Variants in AEBP2 observed in about 807,000 individuals in gnomAD.
AEBP2 encodes the protein AE binding protein 2.
Under a neutral mutation model 50.8 loss-of-function variants are expected in AEBP2, and 10 were observed. The observed-to-expected ratio is 0.20, with a 90% CI of 0.12 to 0.33. AEBP2 has a LOEUF of 0.33. Among genes scored for constraint, AEBP2 ranks in the 10% least tolerant of loss-of-function variants. AEBP2 has a pLI of 1.00. For synonymous variants in AEBP2, 296 were observed against 261.3 expected (o/e 1.13, Z -1.28); for missense variants, 570 against 688.0 (o/e 0.83, Z 1.92).
intron 6 of AEBP2, among the ~76,000 whole-genome samples, chr12:19,513,668 C>CGG (rs1949270058): frequency 6.6e-6 from 1 of 152,048 alleles, no homozygotes; most frequent in Admixed American, 6.6e-5. Flanking sequence ...GAGACTGAGG[C>CGG]GGGAAGATTG....
At chr12:19,503,768 C>A (rs1949116651) in intron 5 of AEBP2, among the ~76,000 whole-genome samples, 1 of 151,716 alleles carries the variant, frequency 6.6e-6, no homozygotes, top group African/African-American at 2.4e-5. Flanking sequence ...AAGCAGTCCT[C>A]CTGTCCTAGC....
At chr12:19,449,214 C>T (rs538652455) in intron 1 of AEBP2, among the ~76,000 whole-genome samples, 2 of 152,240 alleles carry the variant, frequency 1.3e-5, no homozygotes, top group African/African-American at 4.8e-5. Context: ...ATTAAACCTT[C>T]AGATGCAATT....
chr12:19,463,696 C>T (rs952526767), intron 2 of AEBP2, among the ~76,000 whole-genome samples: 72 of 88,902 alleles, frequency 8.1e-4, no homozygotes, highest in African/African-American at 2.9e-3. Context: ...TTTTTTGAGA[C>T]GGAGTCTCAC....
chr12:19,439,633 G>C lies in AEBP2; in HGVS notation c.-67G>C, dbSNP rs1947903143. 6 of 1,491,006 alleles carry C rather than the reference G, an allele frequency of 4.0e-6. No individual in the cohort carries two copies. Among genetic ancestry groups the C allele is most frequent in the Admixed American group, 4.1e-5 (2 of 48,516 alleles). The allele number at this position is 1,491,006 out of a possible 1,614,324, so 92.4% of individuals were successfully genotyped here. Reference sequence around the variant, plus strand: ...TTTTGGGCGTTTGGGAGGGGGGCGAGGGAGAGAGAGTCGAGAGAGGGAGGC... The same window carrying C: ...TTTTGGGCGTTTGGGAGGGGGGCGACGGAGAGAGAGTCGAGAGAGGGAGGC... On this transcript the variant is annotated 5_prime_UTR_variant, in exon 1 of 8. Transcript: ENST00000266508.
At chr12:19,500,944 G>A (rs1455951178) in intron 5 of AEBP2, among the ~76,000 whole-genome samples, 5 of 152,078 alleles carry the variant, frequency 3.3e-5, no homozygotes. Flanking sequence ...TTTTAAATTG[G>A]TGTAGTTTGG....
intron 5 of AEBP2, among the ~76,000 whole-genome samples, chr12:19,511,309 A>G (rs1279130857): frequency 6.6e-6 from 1 of 152,206 alleles, no homozygotes; most frequent in Admixed American, 6.5e-5. Context: ...GTGCACAGAA[A>G]GCCCCGGAGA....
At chr12:19,508,663 C>G (rs1036665091) in intron 5 of AEBP2, among the ~76,000 whole-genome samples, 12 of 152,016 alleles carry the variant, frequency 7.9e-5, no homozygotes, top group African/African-American at 2.4e-4. Flanking sequence ...TTGGGTCTTT[C>G]TGTTAGATCG....
At chr12:19,500,712 T>C (rs1343424240) in intron 5 of AEBP2, among the ~76,000 whole-genome samples, 2 of 152,160 alleles carry the variant, frequency 1.3e-5, no homozygotes, top group African/African-American at 4.8e-5. Context: ...GGAAAGGATT[T>C]TAGTCTCTTT....
At chr12:19,504,995 A>G (rs956380363) in intron 5 of AEBP2, among the ~76,000 whole-genome samples, 1 of 152,230 alleles carries the variant, frequency 6.6e-6, no homozygotes, top group African/African-American at 2.4e-5. Context: ...CACAAGAGAC[A>G]TGAATTTGAG....
In AEBP2 at chr12:19,440,324, A is replaced by T. The variant is rs1296635055; in HGVS notation, c.625A>T (p.Met209Leu). Reference protein sequence around the residue: ...TSGGRRGSLEMSSDGEPLSRM... With the variant: ...TSGGRRGSLELSSDGEPLSRM... ...CGGGGGCCGGCGGGGCAGCTTGGAGATGTCGTCGGATGGGGAACCCCTGAG... is the reference window on the plus strand; with the variant it reads ...CGGGGGCCGGCGGGGCAGCTTGGAGTTGTCGTCGGATGGGGAACCCCTGAG... The change falls in exon 1 of 8, where the codon ATG becomes TTG. Residue 209 changes from methionine to leucine, a missense_variant. This residue lies in a region of AEBP2 where 386 missense variants were observed against 336.8 expected (regional missense o/e 1.15). Coordinates refer to ENST00000266508, the MANE Select transcript of AEBP2 (RefSeq NM_153207.5). The T allele has an allele frequency of 1.5e-5, 22 of 1,465,194 alleles. No homozygotes were observed. Among genetic ancestry groups the T allele is most frequent in the Non-Finnish European group, 1.6e-5 (18 of 1,116,576 alleles). The allele number at this position is 1,465,194 out of a possible 1,614,324, so 90.8% of individuals were successfully genotyped here. A position where few individuals can be genotyped will look rare whatever the true frequency, so the allele number is the denominator to read the frequency against.
chr12:19,425,730 C>T (rs1270542132), intron 1 of AEBP2, among the ~76,000 whole-genome samples: 1 of 149,330 alleles, frequency 6.7e-6, no homozygotes, highest in Non-Finnish European at 1.5e-5. Flanking sequence ...CGAGATCCTG[C>T]CACTGCACTC....
chr12:19,416,437 C>T (rs1490958028), intron 1 of AEBP2, among the ~76,000 whole-genome samples: 2 of 151,794 alleles, frequency 1.3e-5, no homozygotes, highest in Non-Finnish European at 2.9e-5. Flanking sequence ...CAGAGTTTCA[C>T]TCTTGTCACC....
intron 5 of AEBP2, among the ~76,000 whole-genome samples, chr12:19,507,269 C>G (rs1004700326): frequency 2.6e-5 from 4 of 152,084 alleles, no homozygotes; most frequent in Non-Finnish European, 2.9e-5. Flanking sequence ...GCTAGTGTCT[C>G]TACAGATAAG....
chr12:19,416,369 A>C lies in AEBP2; in HGVS notation c.-17+12153A>C, dbSNP rs1472667140. On this transcript the variant is annotated intron_variant, in intron 1 of 3. Transcript: ENST00000538425. ...AAGTTTTGAGCTTTTTGCTATTATA[A>C]ATAATCTGAGATACAAATGGTCTTA... Among the ~76,000 whole-genome samples the C allele has an allele frequency of 3.9e-5, 6 of 152,012 alleles. 1 individual carries two copies. Among genetic ancestry groups the C allele is most frequent in the African/African-American group, 1.2e-4 (5 of 41,404 alleles).
chr12:19,504,119 ATTAAT>A (rs1439400797), intron 5 of AEBP2, among the ~76,000 whole-genome samples: 1 of 152,140 alleles, frequency 6.6e-6, no homozygotes, highest in Non-Finnish European at 1.5e-5. Context: ...TATCATTTAA[ATTAAT>A]TTATGTTTTT....
chr12:19,457,064 C>T (rs1385403091), intron 1 of AEBP2: 3 of 1,607,408 alleles, frequency 1.9e-6, no homozygotes, highest in Non-Finnish European at 1.7e-6. Flanking sequence ...GAAATTGGCA[C>T]AAATGCTTCT....
chr12:19,439,738 G>A lies in AEBP2; in HGVS notation c.39G>A (p.Glu13=). 2 of 1,519,096 alleles carry A rather than the reference G, an allele frequency of 1.3e-6. No homozygotes were observed. The highest frequency in any genetic ancestry group is 2.6e-5 in the East Asian group (1 of 38,064). 94.1% of individuals were successfully genotyped at this position (1,519,096 alleles called of 1,614,324 possible). A position where few individuals can be genotyped will look rare whatever the true frequency, so the allele number is the denominator to read the frequency against. Residue 13 remains glutamate (E), a synonymous_variant, in exon 1 of 8, where the codon GAG becomes GAA. Coordinates refer to ENST00000266508, the MANE Select transcript of AEBP2 (RefSeq NM_153207.5). Reference sequence around the variant, plus strand: ...TCACCGACATGGCCGACCTGGAGGAGCTCTCCCGCCTGAGCCCTCTGCCCC... The same window carrying A: ...TCACCGACATGGCCGACCTGGAGGAACTCTCCCGCCTGAGCCCTCTGCCCC... ...AAITDMADLE[E]LSRLSPLPPG...
At chr12:19,412,640 C>T (rs995428273) in intron 1 of AEBP2, among the ~76,000 whole-genome samples, 1 of 151,870 alleles carries the variant, frequency 6.6e-6, no homozygotes, top group African/African-American at 2.4e-5. Context: ...CACTATGTTG[C>T]CCAGGCTAGT....
At chr12:19,503,533 A>G (rs1196210109) in intron 5 of AEBP2, among the ~76,000 whole-genome samples, 2 of 152,120 alleles carry the variant, frequency 1.3e-5, no homozygotes, top group Admixed American at 1.3e-4. Flanking sequence ...TTCTAGGTGT[A>G]GAATCATATT....
Sources: allele counts gnomAD v4.1 joint callset (sites outside exome capture counted in the v4.1 genomes callset), GRCh38; gene constraint gnomAD v4.1.1; regional missense constraint gnomAD v4.1.1; transcripts MANE v1.5; gene names NCBI Gene and HGNC (gene_info 2026-07-23, HGNC 2026-07-21).